The following ITPRID1 variants were observed in gnomAD, a reference collection of about 807,000 sequenced individuals.
ITPRID1 encodes the protein protein ITPRID1.
Under a neutral mutation model 95.4 loss-of-function variants are expected in ITPRID1, and 96 were observed. That is an observed-to-expected ratio of 1.01 (90% CI 0.85 to 1.19). ITPRID1 has a LOEUF of 1.19. Ranked by LOEUF, ITPRID1 falls within the 50% of genes most tolerant of loss-of-function variation. The probability of loss-of-function intolerance (pLI) is 0.00; values close to 1 mark genes in which losing one functional copy is unlikely to be tolerated. For missense variants in ITPRID1, 1,339 were observed against 1,252.9 expected, an observed-to-expected ratio of 1.07 and a Z score of -1.04; for synonymous variants, 510 against 453.6, an observed-to-expected ratio of 1.12 and a Z score of -1.58.
intron 1 of ITPRID1, among the ~76,000 whole-genome samples, chr7:31,535,520 AAACAT>A (rs1189715606): frequency 1.3e-5 from 2 of 151,992 alleles, no homozygotes; most frequent in Non-Finnish European, 2.9e-5. Context: ...GTATATTCCT[AAACAT>A]AACAGAAATA....
chr7:31,542,429 A>T (rs1783963224), intron 1 of ITPRID1, among the ~76,000 whole-genome samples: 1 of 152,172 alleles, frequency 6.6e-6, no homozygotes, highest in Non-Finnish European at 1.5e-5. Flanking sequence ...CAAATTTCTT[A>T]CTTGTAAACA....
At chr7:31,601,470 C>G (rs1786389292) in intron 10 of ITPRID1, among the ~76,000 whole-genome samples, 1 of 152,138 alleles carries the variant, frequency 6.6e-6, no homozygotes, top group African/African-American at 2.4e-5. Context: ...CTGAATTGAC[C>G]TTGAGAGAAT....
At chr7:31,535,682 A>G (rs935493319) in intron 1 of ITPRID1, among the ~76,000 whole-genome samples, 3 of 152,012 alleles carry the variant, frequency 2.0e-5, no homozygotes, top group African/African-American at 7.2e-5. Context: ...GCATTTTTTT[A>G]ACATCTGAAA....
chr7:31,603,773 T>C (rs185020300), intron 10 of ITPRID1, among the ~76,000 whole-genome samples: 1 of 152,320 alleles, frequency 6.6e-6, no homozygotes, highest in Non-Finnish European at 1.5e-5. Flanking sequence ...GATTGCTTAG[T>C]GTCCCCCACA....
chr7:31,563,869 TCAG>T (rs1347358205), intron 5 of ITPRID1, among the ~76,000 whole-genome samples: 1 of 152,178 alleles, frequency 6.6e-6, no homozygotes. Context: ...AGCATGAATG[TCAG>T]CAGAGTGTAA....
intron 7 of ITPRID1, among the ~76,000 whole-genome samples, 173 bp downstream of exon 7, chr7:31,572,361 G>T (rs1270582045): frequency 2.0e-5 from 3 of 152,116 alleles, no homozygotes; most frequent in Non-Finnish European, 2.9e-5. Context: ...AATAAAATTG[G>T]AAACAGACTA....
chr7:31,590,008 G>T (rs1785792227), intron 10 of ITPRID1, among the ~76,000 whole-genome samples: 1 of 151,784 alleles, frequency 6.6e-6, no homozygotes, highest in Non-Finnish European at 1.5e-5. Context: ...AAAATGAGAG[G>T]TATAGCAAAA....
intron 1 of ITPRID1, chr7:31,517,556 A>C (rs765324536): frequency 6.5e-6 from 1 of 153,286 alleles, no homozygotes; most frequent in South Asian, 2.1e-4. Context: ...ATAGCGGTCC[A>C]CGCACGGGAC....
rs1181158305 is a variant in ITPRID1, at chr7:31,652,759, G to A, written c.3065G>A (p.Trp1022Ter). ...AGGATGTCTCCTTCATCATCAGCTTGGGCAAAGTTAGGTCCAACCCCTTTG... is the reference window on the plus strand; with the variant it reads ...AGGATGTCTCCTTCATCATCAGCTTAGGCAAAGTTAGGTCCAACCCCTTTG... ...STRMSPSSSAWAKLGPTPLSN... is the reference protein window; with the variant it reads ...STRMSPSSSA The change falls in exon 15 of 15, where the codon TGG (tryptophan) becomes TAG (stop). Residue 1022 changes from tryptophan (W) to a stop codon, truncating the protein, a stop_gained. Transcript: ENST00000615280. LOFTEE classifies it low-confidence loss of function (END_TRUNC). The A allele has an allele frequency of 1.9e-6, 3 of 1,613,902 alleles. No homozygotes were observed. Among genetic ancestry groups the A allele is most frequent in the South Asian group, 1.1e-5 (1 of 91,072 alleles).
Position 31,578,038 on chromosome 7 carries a change from G to A in ITPRID1, c.774G>A (p.Arg258=). 6.2e-7 allele frequency: 1 copy of A among 1,613,902 alleles called. No individual in the cohort carries two copies. The highest frequency in any genetic ancestry group is 8.5e-7 in the Non-Finnish European group (1 of 1,179,872). ...GAAGAAGAATGGGTAAACTCTTAAGGAGAGCTTCCAAACAGAACATCAGGC... is the reference window on the plus strand; with the variant it reads ...GAAGAAGAATGGGTAAACTCTTAAGAAGAGCTTCCAAACAGAACATCAGGC... ...EHRRRMGKLL[R]RASKQNIRRD... Residue 258 remains arginine, a synonymous_variant, in exon 9 of 15, where the codon AGG becomes AGA. Transcript: ENST00000615280.
chr7:31,574,931 AG>A (rs1320426095), intron 8 of ITPRID1, among the ~76,000 whole-genome samples, 189 bp downstream of exon 8: 1 of 152,182 alleles, frequency 6.6e-6, no homozygotes, highest in Admixed American at 6.5e-5. Flanking sequence ...TTTTGGAGAA[AG>A]GAGTATCTAT....
intron 5 of ITPRID1, among the ~76,000 whole-genome samples, chr7:31,561,595 T>C (rs1297048420): frequency 6.6e-6 from 1 of 152,196 alleles, no homozygotes; most frequent in Admixed American, 6.5e-5. Flanking sequence ...CTGCTTACGT[T>C]GTGAGTCTCA....
intron 1 of ITPRID1, among the ~76,000 whole-genome samples, chr7:31,526,370 G>T (rs918014966): frequency 6.6e-6 from 1 of 152,190 alleles, no homozygotes; most frequent in African/African-American, 2.4e-5. Context: ...CTAGGAGTCA[G>T]ATAGGCCTAC....
chr7:31,585,950 T>A (rs1785581459), intron 10 of ITPRID1, among the ~76,000 whole-genome samples: 2 of 148,526 alleles, frequency 1.3e-5, no homozygotes, highest in African/African-American at 5.0e-5. Context: ...TAACTCGTCA[T>A]CTAGCATTAG....
chr7:31,642,128 G>C (rs1316184057), intron 10 of ITPRID1, 48 bp from the exon 11 acceptor site: 3 of 1,386,526 alleles, frequency 2.2e-6, no homozygotes, highest in Admixed American at 4.1e-5. Context: ...AGTCCTGCTG[G>C]CTGCGTGTTT....
intron 10 of ITPRID1, among the ~76,000 whole-genome samples, chr7:31,607,574 G>A (rs992960625): frequency 6.6e-6 from 1 of 151,964 alleles, no homozygotes; most frequent in Non-Finnish European, 1.5e-5. Flanking sequence ...CTCTCCAGAA[G>A]CTTATAGATT....
chr7:31,567,605 G>A (rs1436881113), intron 5 of ITPRID1, among the ~76,000 whole-genome samples: 3 of 147,984 alleles, frequency 2.0e-5, no homozygotes, highest in African/African-American at 7.5e-5. Flanking sequence ...TTTTTGAAAC[G>A]GAGTCTTGCT....
rs773737106 is a variant in ITPRID1, at chr7:31,577,832, C to G, written c.599-31C>G. On this transcript the variant is annotated intron_variant, in intron 8 of 14. Transcript: ENST00000615280. ...ATGGTTTCAGCAAAAAAGACCCAATCTGAAACTTTCGTGTTTCTTGTGTTG... is the reference window on the plus strand; with the variant it reads ...ATGGTTTCAGCAAAAAAGACCCAATGTGAAACTTTCGTGTTTCTTGTGTTG... 2.0e-6 allele frequency: 3 copies of G among 1,519,482 alleles called. No individual in the cohort carries two copies. In the East Asian group the frequency reaches 6.8e-5, roughly 35 times the overall value. The allele number at this position is 1,519,482 out of a possible 1,614,324, so 94.1% of individuals were successfully genotyped here.
intron 1 of ITPRID1, among the ~76,000 whole-genome samples, chr7:31,516,356 C>T (rs1399537657): frequency 6.6e-6 from 1 of 152,110 alleles, no homozygotes. Flanking sequence ...ATATATCAAA[C>T]CTTAGACTCT....
Sources: gnomAD v4.1 joint callset for allele counts (sites outside exome capture counted in the v4.1 genomes callset) on GRCh38, gnomAD v4.1.1 for gene constraint, MANE v1.5 for transcripts, NCBI Gene and HGNC (gene_info 2026-07-23, HGNC 2026-07-21) for gene names.